The following TNFRSF19 variants were observed in gnomAD, a reference collection of about 807,000 sequenced individuals.
TNFRSF19 encodes the protein tumor necrosis factor receptor superfamily member 19.
In TNFRSF19, 27 loss-of-function variants were observed where a neutral mutation model predicts 46.4. The ratio of observed to expected loss-of-function variants is 0.58; its 90% CI spans 0.43 to 0.80. The LOEUF (loss-of-function observed/expected upper bound fraction) is 0.80. TNFRSF19 is among the 30% of genes least tolerant of loss of function. The probability of loss-of-function intolerance (pLI) is 0.00; values close to 1 mark genes in which losing one functional copy is unlikely to be tolerated. For synonymous variants in TNFRSF19, 204 were observed against 205.0 expected (o/e 1.00, Z 0.04); for missense variants, 511 against 530.8 (o/e 0.96, Z 0.37).
At chr13:23,653,839 G>A (rs1253079482) in intron 5 of TNFRSF19, among the ~76,000 whole-genome samples, 2 of 152,192 alleles carry the variant, frequency 1.3e-5, no homozygotes, top group Non-Finnish European at 2.9e-5. Context: ...TCATGTAAAT[G>A]CCATGCTCAT....
intron 5 of TNFRSF19, among the ~76,000 whole-genome samples, chr13:23,635,780 TTTC>T (rs1695045542): frequency 1.3e-5 from 2 of 152,244 alleles, no homozygotes; most frequent in Admixed American, 1.3e-4. Flanking sequence ...ATGCAGCAGT[TTTC>T]TTAATTAAAT....
intron 5 of TNFRSF19, among the ~76,000 whole-genome samples, chr13:23,629,885 C>A (rs770828806): frequency 6.6e-6 from 1 of 152,164 alleles, no homozygotes; most frequent in Non-Finnish European, 1.5e-5. Flanking sequence ...TTGGAGTTGT[C>A]CTGGACGGGG....
At position 23,668,905 on chromosome 13, in the gene TNFRSF19, C is replaced by A; in HGVS notation, c.1053C>A (p.Ser351Arg). Residue 351 changes from serine (S) to arginine (R), a missense_variant, in exon 9 of 10, where the codon AGC becomes AGA. By Grantham distance (110) the Ser-to-Arg change is moderately radical (BLOSUM62 -1). Coordinates refer to ENST00000248484, the MANE Select transcript of TNFRSF19 (RefSeq NM_148957.4). ...LESSTSLDSNSSQDLVGGAVP... is the reference protein window; with the variant it reads ...LESSTSLDSNRSQDLVGGAVP... ...GCTCAACGTCTTTGGATTCAAATAG[C>A]AGTCAAGATTTGGTTGGTGGGGCTG... 6.2e-7 allele frequency: 1 copy of A among 1,614,250 alleles called. No individual in the cohort carries two copies.
Position 23,626,772 on chromosome 13 carries a change from C to G in TNFRSF19, c.425C>G (p.Pro142Arg). The change falls in exon 5 of 10, where the codon CCT becomes CGT. Residue 142 changes from proline to arginine, a missense_variant. Pro to Arg is a moderately radical substitution (Grantham distance 103). This residue lies in a region of TNFRSF19 where 376 missense variants were observed against 372.7 expected (regional missense o/e 1.01). Coordinates refer to ENST00000248484, the MANE Select transcript of TNFRSF19 (RefSeq NM_148957.4). ...DMECVPCGDP[P>R]PPYEPHCASK... is the part of the protein sequence containing the mutation. ...GAGTGTGTGCCTTGTGGAGACCCTC[C>G]TCCTCCTTACGAACCGCACTGTGAG... 1 of 1,614,134 alleles carries G rather than the reference C, an allele frequency of 6.2e-7. No homozygotes were observed. The highest frequency in any genetic ancestry group is 8.5e-7 in the Non-Finnish European group (1 of 1,180,006).
intron 1 of TNFRSF19, among the ~76,000 whole-genome samples, chr13:23,587,889 T>G (rs1878960836): frequency 2.0e-5 from 3 of 152,244 alleles, no homozygotes; most frequent in Admixed American, 2.0e-4. Context: ...TAGTGGATTC[T>G]TAGTCTTCAG....
intron 7 of TNFRSF19, among the ~76,000 whole-genome samples, chr13:23,663,368 CT>C (rs1884494865): frequency 6.6e-6 from 1 of 152,158 alleles, no homozygotes; most frequent in Non-Finnish European, 1.5e-5. Context: ...ATGAAGCCTG[CT>C]TGATCGTGGT....
chr13:23,652,493 C>T (rs1165965890), intron 5 of TNFRSF19, among the ~76,000 whole-genome samples: 3 of 152,178 alleles, frequency 2.0e-5, no homozygotes, highest in Non-Finnish European at 4.4e-5. Flanking sequence ...TGAAGCGCTA[C>T]TTAAAATGGA....
At chr13:23,660,296 A>C in intron 6 of TNFRSF19, 69 bp from the exon 7 acceptor site, 1 of 1,465,892 alleles carries the variant, frequency 6.8e-7, no homozygotes. Flanking sequence ...AAAATACAAA[A>C]GCTAGAATGG....
At chr13:23,580,162 C>G (rs564505380) in intron 1 of TNFRSF19, among the ~76,000 whole-genome samples, 7 of 152,336 alleles carry the variant, frequency 4.6e-5, no homozygotes, top group Admixed American at 4.6e-4. Flanking sequence ...GGCTAATATA[C>G]TCCTGGAGAT....
intron 2 of TNFRSF19, among the ~76,000 whole-genome samples, chr13:23,591,666 G>A (rs1413986644): frequency 6.6e-6 from 1 of 151,764 alleles, no homozygotes; most frequent in African/African-American, 2.4e-5. Context: ...CTGCAAGACT[G>A]GGAGTTGAGG....
At chr13:23,646,871 CT>C (rs1251882363) in intron 5 of TNFRSF19, among the ~76,000 whole-genome samples, 1 of 152,202 alleles carries the variant, frequency 6.6e-6, no homozygotes, top group Non-Finnish European at 1.5e-5. Context: ...CCCACAGCAG[CT>C]GCACCATTTT....
At chr13:23,578,376 GAAT>G (rs3842699) in intron 1 of TNFRSF19, among the ~76,000 whole-genome samples, 43 of 148,136 alleles carry the variant, frequency 2.9e-4, no homozygotes, top group Non-Finnish European at 3.7e-4. Context: ...GTGACATCGG[GAAT>G]AATATTTTTA....
At chr13:23,639,853 A>G (rs1882927454) in intron 5 of TNFRSF19, among the ~76,000 whole-genome samples, 1 of 152,238 alleles carries the variant, frequency 6.6e-6, no homozygotes, top group Non-Finnish European at 1.5e-5. Flanking sequence ...AGGATATGCT[A>G]AAATTGTTCT....
At chr13:23,671,052 T>C in intron 9 of TNFRSF19, among the ~76,000 whole-genome samples, 1 of 152,246 alleles carries the variant, frequency 6.6e-6, no homozygotes, top group East Asian at 1.9e-4. Context: ...GCCTGCTTTT[T>C]TTCTGTGTAT....
intron 7 of TNFRSF19, among the ~76,000 whole-genome samples, chr13:23,660,951 G>T (rs1380450071): frequency 4.6e-5 from 7 of 152,132 alleles, no homozygotes; most frequent in African/African-American, 7.2e-5. Context: ...AACCATAATT[G>T]CCCCTTGGAC....
At chr13:23,638,183 T>G (rs1025984143) in intron 5 of TNFRSF19, among the ~76,000 whole-genome samples, 3 of 152,250 alleles carry the variant, frequency 2.0e-5, no homozygotes, top group Admixed American at 1.3e-4. Flanking sequence ...CGTAGACTAT[T>G]AAAAAGAAAA....
intron 3 of TNFRSF19, among the ~76,000 whole-genome samples, chr13:23,595,036 G>T (rs1010331708): frequency 5.3e-5 from 8 of 152,268 alleles, no homozygotes; most frequent in African/African-American, 1.9e-4. Context: ...ACTGTTTGTA[G>T]GAAAACTAAC....
intron 3 of TNFRSF19, among the ~76,000 whole-genome samples, chr13:23,614,219 C>T (rs545675069): frequency 1.3e-5 from 2 of 152,008 alleles, no homozygotes; most frequent in Non-Finnish European, 2.9e-5. Flanking sequence ...TCCCGATGTA[C>T]GTTTGAAAGA....
rs182096670 is a variant in TNFRSF19 at position 23,667,483 on chromosome 13, C to G, written c.737-497C>G. On this transcript the variant is annotated intron_variant, in intron 7 of 9. Transcript: ENST00000248484. ...GGAAAGTTGTCCTGCTCCTCCTGTC[C>G]TCAGTGGGGCCAAGAAGTCTCACTT... is the stretch of plus-strand genomic sequence containing the variant. 4.9e-3 allele frequency among the ~76,000 whole-genome samples: 743 copies of G among 152,310 alleles called. 10 individuals are homozygous for G. Among genetic ancestry groups the G allele is most frequent in the African/African-American group, 0.017 (689 of 41,568 alleles).
Sources: allele counts gnomAD v4.1 joint callset (sites outside exome capture counted in the v4.1 genomes callset), GRCh38; gene constraint gnomAD v4.1.1; regional missense constraint gnomAD v4.1.1; transcripts MANE v1.5; gene names NCBI Gene and HGNC (gene_info 2026-07-23, HGNC 2026-07-21).